The following PTPRD variants were observed in gnomAD, a reference collection of about 807,000 sequenced individuals.
PTPRD encodes protein tyrosine phosphatase receptor type D, also known as receptor-type tyrosine-protein phosphatase delta.
A neutral mutation model predicts 214.5 loss-of-function variants in PTPRD; 34 were observed. The ratio of observed to expected loss-of-function variants is 0.16; its 90% CI spans 0.12 to 0.21. The LOEUF (loss-of-function observed/expected upper bound fraction) is 0.21. Among genes scored for constraint, PTPRD ranks in the 10% least tolerant of loss-of-function variants. PTPRD has a pLI of 1.00. For synonymous variants in PTPRD, 1,128 were observed against 845.7 expected (o/e 1.33, Z -5.79); for missense variants, 2,545 against 2,398.7 (o/e 1.06, Z -1.27).
chr9:8,772,157 C>T (rs991183676), intron 11 of PTPRD, among the ~76,000 whole-genome samples: 1 of 151,900 alleles, frequency 6.6e-6, no homozygotes, highest in African/African-American at 2.4e-5. Flanking sequence ...ACAACAACAA[C>T]AACACAGATT....
At chr9:8,334,374 T>TTA (rs1554712039) in intron 43 of PTPRD, among the ~76,000 whole-genome samples, 4 of 146,496 alleles carry the variant, frequency 2.7e-5, no homozygotes, top group Non-Finnish European at 3.0e-5. Flanking sequence ...AACTCAAGAT[T>TTA]AAAAAAAAAA....
intron 9 of PTPRD, among the ~76,000 whole-genome samples, chr9:9,336,283 T>C (rs549679207): frequency 1.3e-5 from 2 of 152,278 alleles, no homozygotes; most frequent in South Asian, 4.1e-4. Flanking sequence ...ATGTTGGTCA[T>C]ACAGATAAAA....
At chr9:10,062,077 ACT>A (rs1287124512) in intron 3 of PTPRD, among the ~76,000 whole-genome samples, 56 of 151,950 alleles carry the variant, frequency 3.7e-4, no homozygotes, top group Admixed American at 3.7e-3. Flanking sequence ...TAAAATCGTG[ACT>A]CTCATACAAT....
chr9:9,195,373 C>A (rs2099937928), intron 9 of PTPRD, among the ~76,000 whole-genome samples: 1 of 151,912 alleles, frequency 6.6e-6, no homozygotes, highest in Non-Finnish European at 1.5e-5. Flanking sequence ...ATGAAACATG[C>A]TTTGGGTGAT....
chr9:8,708,758 A>G (rs1229280651), intron 12 of PTPRD, among the ~76,000 whole-genome samples: 3 of 151,504 alleles, frequency 2.0e-5, no homozygotes, highest in Non-Finnish European at 4.4e-5. Context: ...TATTCAAAGG[A>G]AATGAAATAG....
intron 7 of PTPRD, among the ~76,000 whole-genome samples, chr9:9,620,331 A>T (rs1044744805): frequency 6.6e-6 from 1 of 151,794 alleles, no homozygotes. Context: ...TTGTTCTTTA[A>T]TCTATTAATT....
intron 5 of PTPRD, among the ~76,000 whole-genome samples, chr9:9,908,516 C>T (rs1452970089): frequency 6.6e-6 from 1 of 151,966 alleles, no homozygotes; most frequent in Non-Finnish European, 1.5e-5. Flanking sequence ...GGAGTATGTG[C>T]CATCCACAGG....
intron 7 of PTPRD, among the ~76,000 whole-genome samples, chr9:9,699,670 G>A (rs1419843077): frequency 7.9e-5 from 12 of 152,112 alleles, no homozygotes; most frequent in Non-Finnish European, 1.5e-5. Context: ...CACAACAGCA[G>A]GGCTTCTATT....
At chr9:10,488,091 G>C (rs1006549052) in intron 2 of PTPRD, among the ~76,000 whole-genome samples, 2 of 151,518 alleles carry the variant, frequency 1.3e-5, no homozygotes, top group East Asian at 2.0e-4. Flanking sequence ...AGGTCGGCTG[G>C]GCATGGTGGC....
At position 10,250,342 on chromosome 9, in the gene PTPRD, T is replaced by G. The variant is rs568052752; in HGVS notation, c.-545+90621A>C. 1.9e-3 allele frequency among the ~76,000 whole-genome samples: 287 copies of G among 152,220 alleles called. 1 individual carries two copies. The highest frequency in any genetic ancestry group is 6.4e-3 in the African/African-American group (264 of 41,546). On this transcript the variant is annotated intron_variant, in intron 3 of 45. Transcript: ENST00000381196. The stretch of plus-strand genomic sequence containing the variant: ...TAACCAAATTTTAAATTAACCACAA[T>G]AATTTTATAAGACAGCTGAACAGTT...
At chr9:9,426,781 T>A (rs35359741) in intron 8 of PTPRD, among the ~76,000 whole-genome samples, 17,722 of 152,114 alleles carry the variant, frequency 0.12, 1,167 homozygotes, top group African/African-American at 0.17. Context: ...CCGCTGGTGA[T>A]ACCCAGGCAA....
chr9:9,810,073 C>A (rs1323803), intron 5 of PTPRD, among the ~76,000 whole-genome samples: 1 of 143,310 alleles, frequency 7.0e-6, no homozygotes, highest in African/African-American at 2.7e-5. Context: ...TGCACCTCCT[C>A]TTCAGGCTAC....
chr9:9,476,861 G>A (rs1252521668), intron 8 of PTPRD, among the ~76,000 whole-genome samples: 5 of 151,860 alleles, frequency 3.3e-5, no homozygotes, highest in Non-Finnish European at 7.4e-5. Flanking sequence ...TCAGACTCCC[G>A]AGTAGCTGAG....
rs1220880640 is a variant in PTPRD, at chr9:8,419,477, A to C, written c.4087-14817T>G. ...CGAACAAAAAACAAAAAGCCTAAAC[A>C]ATTTCATAAATAACAATATGGGTAA... On this transcript the variant is annotated intron_variant, in intron 35 of 45. Coordinates refer to ENST00000381196, the MANE Select transcript of PTPRD (RefSeq NM_002839.4). Among the ~76,000 whole-genome samples the C allele has an allele frequency of 4.6e-5, 7 of 152,090 alleles. No individual in the cohort carries two copies. In the South Asian group the frequency reaches 1.4e-3, roughly 31 times the overall value.
At chr9:10,542,704 T>A (rs2059379727) in intron 2 of PTPRD, among the ~76,000 whole-genome samples, 1 of 152,064 alleles carries the variant, frequency 6.6e-6, no homozygotes, top group African/African-American at 2.4e-5. Flanking sequence ...ATTTTCTTCC[T>A]TTTTTTAATT....
rs1399399429 is a variant in PTPRD, at chr9:8,975,700, G to A, written c.-104+42997C>T. Among the ~76,000 whole-genome samples the A allele has an allele frequency of 2.6e-5, 4 of 151,454 alleles. No homozygotes were observed. The East Asian group carries it at 5.8e-4, about 22-fold the overall frequency. On this transcript the variant is annotated intron_variant, in intron 11 of 45. Transcript: ENST00000381196. Reference sequence around the variant, plus strand: ...ACATTTTGGATAAATATGTAACTCTGATACTTTTTAGATATATTAAAACAT... The same window carrying A: ...ACATTTTGGATAAATATGTAACTCTAATACTTTTTAGATATATTAAAACAT...
intron 37 of PTPRD, among the ~76,000 whole-genome samples, chr9:8,379,717 G>C (rs2084370004): frequency 6.6e-6 from 1 of 152,176 alleles, no homozygotes; most frequent in Non-Finnish European, 1.5e-5. Flanking sequence ...AAAGCTGATT[G>C]TGAGATGAGA....
At chr9:8,481,931 C>T (rs565029723) in intron 30 of PTPRD, among the ~76,000 whole-genome samples, 5 of 152,062 alleles carry the variant, frequency 3.3e-5, no homozygotes, top group South Asian at 2.1e-4. Context: ...TACAGGCATG[C>T]GCCACCATGC....
intron 2 of PTPRD, among the ~76,000 whole-genome samples, chr9:10,504,785 C>G (rs1366958101): frequency 6.6e-6 from 1 of 152,168 alleles, no homozygotes; most frequent in Non-Finnish European, 1.5e-5. Context: ...ATTCCTAATT[C>G]ATGTCCTTTT....
Sources: gnomAD v4.1 joint callset for allele counts (sites outside exome capture counted in the v4.1 genomes callset) on GRCh38, gnomAD v4.1.1 for gene constraint, MANE v1.5 for transcripts, NCBI Gene and HGNC (gene_info 2026-07-23, HGNC 2026-07-21) for gene names.